LRPPRC: variants seen among roughly 807,000 people sequenced by gnomAD.
LRPPRC encodes the protein leucine rich pentatricopeptide repeat containing.
Under a neutral mutation model 180.3 loss-of-function variants are expected in LRPPRC, and 120 were observed. The observed-to-expected ratio is 0.67, with a 90% confidence interval of 0.57 to 0.77. The LOEUF is 0.77. Ranked by LOEUF, LRPPRC falls within the 30% of genes least tolerant of loss-of-function variation. LRPPRC has a pLI of 0.00. For missense variants in LRPPRC, 2,012 were observed against 1,657.2 expected (o/e 1.21, Z -3.72); for synonymous variants, 723 against 600.0 (o/e 1.21, Z -3.00).
chr2:43,957,901 T>G (rs1371614410), intron 13 of LRPPRC, among the ~76,000 whole-genome samples: 1 of 152,220 alleles, frequency 6.6e-6, no homozygotes, highest in Non-Finnish European at 1.5e-5. Flanking sequence ...CCATTCATAC[T>G]TTCTCATTTC....
At chr2:43,952,798 A>C (rs1293108114) in intron 14 of LRPPRC, among the ~76,000 whole-genome samples, 1 of 152,188 alleles carries the variant, frequency 6.6e-6, no homozygotes, top group Non-Finnish European at 1.5e-5. Flanking sequence ...CCCCTAAAAG[A>C]ATCCCATAAA....
intron 29 of LRPPRC, among the ~76,000 whole-genome samples, chr2:43,915,224 TCTCTCTCTCACACA>T (rs1213940927): frequency 3.3e-3 from 328 of 99,576 alleles, no homozygotes; most frequent in Middle Eastern, 0.01. Context: ...TCTCTCTCTC[TCTCTCTCTCACACA>T]CACACACACA....
intron 1 of LRPPRC, among the ~76,000 whole-genome samples, chr2:43,994,781 C>T (rs1386881064): frequency 6.6e-6 from 1 of 152,190 alleles, no homozygotes; most frequent in Non-Finnish European, 1.5e-5. Context: ...AACACTTTCA[C>T]CAACTTTTCT....
chr2:43,908,003 A>C (rs1671121421), intron 30 of LRPPRC, among the ~76,000 whole-genome samples: 2 of 152,224 alleles, frequency 1.3e-5, no homozygotes, highest in African/African-American at 4.8e-5. Flanking sequence ...GACTGTGCTT[A>C]CATAATATGC....
rs115111160 is a variant in LRPPRC, at chr2:43,980,120, T to C, written c.347-172A>G. Among the ~76,000 whole-genome samples, 294 of 152,282 alleles carry C rather than the reference T, an allele frequency of 1.9e-3. 2 individuals are homozygous for C. The highest frequency in any genetic ancestry group is 6.9e-3 in the African/African-American group (286 of 41,550). On this transcript the variant is annotated intron_variant, in intron 2 of 37. Transcript: ENST00000260665. ...ATGTACAGTGTTACTAAGTTACAAGTCAAACTTTAAATATTAGTCTGCTTT... is the reference window on the plus strand; with the variant it reads ...ATGTACAGTGTTACTAAGTTACAAGCCAAACTTTAAATATTAGTCTGCTTT...
chr2:43,962,982 G>A lies in LRPPRC; in HGVS notation c.1488+606C>T, dbSNP rs192474089. Among the ~76,000 whole-genome samples, 3 of 152,184 alleles carry A rather than the reference G, an allele frequency of 2.0e-5. No individual in the cohort carries two copies. The East Asian group carries it at 5.8e-4, about 29-fold the overall frequency. ...AAAACCTAATTTATAAATGAAAATT[G>A]CAGGGGCATTTCAGGATGGGATTAG... On this transcript the variant is annotated intron_variant, in intron 12 of 37. Coordinates refer to ENST00000260665, the MANE Select transcript of LRPPRC (RefSeq NM_133259.4).
intron 29 of LRPPRC, among the ~76,000 whole-genome samples, chr2:43,916,148 T>C (rs558849878): frequency 2.0e-5 from 3 of 152,244 alleles, no homozygotes; most frequent in African/African-American, 7.2e-5. Flanking sequence ...AAACTATCAA[T>C]ACTAAAATAA....
At chr2:43,903,713 G>C (rs1670967852) in intron 31 of LRPPRC, 2 of 150,832 alleles carry the variant, frequency 1.3e-5, no homozygotes, top group African/African-American at 4.8e-5. Context: ...AGCTTACACA[G>C]GGCACCTAAC....
rs1670299110 is a variant in LRPPRC at position 43,887,166 on chromosome 2, A to AAAAAAAAAAAAAAAAAAAAAAAT, written c.*1433_*1434insATTTTTTTTTTTTTTTTTTTTTT. ...CTCAAAAAAAAAAAAAAAAAAAAAG[A>AAAAAAAAAAAAAAAAAAAAAAAT]TGCTTTTGGCAAACCTGTAACATGT... On this transcript the variant is annotated 3_prime_UTR_variant, in exon 38 of 38. Coordinates refer to ENST00000260665, the MANE Select transcript of LRPPRC (RefSeq NM_133259.4). The AAAAAAAAAAAAAAAAAAAAAAAT allele has an allele frequency of 6.8e-6, 1 of 147,454 alleles. No homozygotes were observed. Among genetic ancestry groups the AAAAAAAAAAAAAAAAAAAAAAAT allele is most frequent in the Non-Finnish European group, 1.5e-5 (1 of 66,944 alleles). 9.1% of individuals were successfully genotyped at this position (147,454 alleles called of 1,614,324 possible).
chr2:43,899,459 A>T lies in LRPPRC; in HGVS notation c.3709+7T>A, dbSNP rs781655636. 1 of 1,614,024 alleles carries T rather than the reference A, an allele frequency of 6.2e-7. No individual in the cohort carries two copies. The highest frequency in any genetic ancestry group is 1.3e-5 in the African/African-American group (1 of 74,940). ...TGTGTGTTCTTTAGCACAAACAACT[A>T]ACTTACTCTTTTCAACTGCTGGTTC... On this transcript the variant is annotated splice_region_variant and intron_variant, in intron 33 of 37. Transcript: ENST00000260665.
In LRPPRC at chr2:43,887,769, A is replaced by T. The variant is rs544975449; in HGVS notation, c.*831T>A. On this transcript the variant is annotated 3_prime_UTR_variant, in exon 38 of 38. Transcript: ENST00000260665. ...TCAATATAGGGATCACTTTTATTTC[A>T]AACAATTAAATACAAACCAATATTT... The T allele has an allele frequency of 1.3e-5, 2 of 152,198 alleles. No individual in the cohort carries two copies. The highest frequency in any genetic ancestry group is 1.9e-4 in the East Asian group (1 of 5,190). 9.4% of individuals were successfully genotyped at this position (152,198 alleles called of 1,614,324 possible).
intron 19 of LRPPRC, 88 bp from the exon 20 acceptor site, chr2:43,947,458 C>T: frequency 9.7e-6 from 7 of 722,056 alleles, no homozygotes; most frequent in Non-Finnish European, 1.7e-5. Context: ...ACTGACTTTC[C>T]TTTCTACCTT....
rs2955280 is a variant in LRPPRC at position 43,889,697 on chromosome 2, C to T, written c.4128+37G>A. ...TTGTTATGAAGTGCACATAAATCTG[C>T]AGAGGTATTTTTTCCCCTTAATTAA... On this transcript the variant is annotated intron_variant, in intron 37 of 37. Coordinates refer to ENST00000260665, the MANE Select transcript of LRPPRC (RefSeq NM_133259.4). The T allele has an allele frequency of 0.53, 785,767 of 1,487,592 alleles. 218,044 individuals are homozygous for T. Among genetic ancestry groups the T allele is most frequent in the East Asian group, 0.93 (41,044 of 44,122 alleles). The allele number at this position is 1,487,592 out of a possible 1,614,324, so 92.1% of individuals were successfully genotyped here. A position where few individuals can be genotyped will look rare whatever the true frequency, so the allele number is the denominator to read the frequency against.
chr2:43,971,470 G>A (rs555938420), intron 11 of LRPPRC, among the ~76,000 whole-genome samples: 11 of 74,480 alleles, frequency 1.5e-4, no homozygotes, highest in African/African-American at 6.9e-4. Context: ...AGGACCTCCT[G>A]AGGCTGTGTC....
chr2:43,958,467 A>G lies in LRPPRC; in HGVS notation c.1583-1016T>C, dbSNP rs1196385529. Among the ~76,000 whole-genome samples the G allele has an allele frequency of 3.3e-5, 5 of 152,256 alleles. No homozygotes were observed. In the East Asian group the frequency reaches 9.6e-4, roughly 29 times the overall value. ...CCCCAAAAATAACAAATTAACCCAC[A>G]CACATAAGGAGAATTGTTTTAGATC... On this transcript the variant is annotated intron_variant, in intron 13 of 37. Transcript: ENST00000260665.
At chr2:43,905,178 G>T (rs1299000498) in intron 31 of LRPPRC, among the ~76,000 whole-genome samples, 1 of 152,008 alleles carries the variant, frequency 6.6e-6, no homozygotes, top group Non-Finnish European at 1.5e-5. Flanking sequence ...TATTAAAAAA[G>T]TATTAGATTA....
In LRPPRC at chr2:43,934,816, G is replaced by A. The variant is rs775713361; in HGVS notation, c.2567C>T (p.Pro856Leu). ...TTTACACAAGACATCATGAATCCTT[G>A]GTAATACTTTATACTTTTCATAGCA... is the stretch of plus-strand genomic sequence containing the variant. ...IDCYEKYKVL[P>L]RIHDVLCKLV... Residue 856 changes from proline (P) to leucine (L), a missense_variant, in exon 24 of 38, where the codon CCA becomes CTA. Pro to Leu is a moderately conservative substitution (Grantham distance 98). Transcript: ENST00000260665. 3 of 1,610,506 alleles carry A rather than the reference G, an allele frequency of 1.9e-6. No homozygotes were observed. The highest frequency in any genetic ancestry group is 1.1e-5 in the South Asian group (1 of 90,988).
At chr2:43,896,980 G>C (rs1257246219) in intron 34 of LRPPRC, among the ~76,000 whole-genome samples, 1 of 152,084 alleles carries the variant, frequency 6.6e-6, no homozygotes, top group East Asian at 1.9e-4. Flanking sequence ...AACAACCACA[G>C]AATAAGGTTT....
intron 11 of LRPPRC, among the ~76,000 whole-genome samples, chr2:43,967,412 T>C (rs1034048522): frequency 4.1e-5 from 6 of 147,658 alleles, no homozygotes; most frequent in East Asian, 1.9e-4. Context: ...AAGACAGATA[T>C]AGATTTAGCT....
Sources: gnomAD v4.1 joint callset for allele counts (sites outside exome capture counted in the v4.1 genomes callset) on GRCh38, gnomAD v4.1.1 for gene constraint, MANE v1.5 for transcripts, NCBI Gene and HGNC (gene_info 2026-07-23, HGNC 2026-07-21) for gene names.